Variants in TENM1 observed in about 807,000 individuals in gnomAD.
TENM1 encodes the protein teneurin transmembrane protein 1.
TENM1 carries 35 observed loss-of-function variants against 174.8 expected under a neutral mutation model. The ratio of observed to expected loss-of-function variants is 0.20; its 90% CI spans 0.15 to 0.27. The LOEUF is 0.27. Ranked by LOEUF, TENM1 falls within the 10% of genes least tolerant of loss-of-function variation. The pLI, the probability that TENM1 is intolerant of heterozygous loss-of-function variation, is 1.00. For synonymous variants in TENM1, 781 were observed against 798.7 expected (o/e 0.98, Z 0.37); for missense variants, 1,633 against 2,130.1 (o/e 0.77, Z 4.59).
At chrX:125,051,705 A>G in the TENM1 span, among the ~76,000 whole-genome samples, 1 of 103,280 alleles carries the variant, frequency 9.7e-6, no homozygotes, top group Non-Finnish European at 2.0e-5. Flanking sequence ...AAGATGGATT[A>G]AAGACTTAAA....
At chrX:124,826,073 T>G (rs1231764556) in intron 3 of TENM1, among the ~76,000 whole-genome samples, 7 of 111,474 alleles carry the variant, frequency 6.3e-5, no homozygotes, top group African/African-American at 2.3e-4. Flanking sequence ...GCTGAAATAA[T>G]TTGAAATGTA....
intron 23 of TENM1, among the ~76,000 whole-genome samples, chrX:124,441,100 C>A (rs2060898572): frequency 8.9e-6 from 1 of 112,138 alleles, no homozygotes. Context: ...GGAGACATTA[C>A]ATGTTTTTAT....
the TENM1 span, among the ~76,000 whole-genome samples, chrX:125,101,724 G>A: frequency 3.6e-5 from 4 of 111,994 alleles, no homozygotes; most frequent in South Asian, 1.1e-3. Flanking sequence ...TCAAATCTTC[G>A]GGAGAGTAAA....
At chrX:124,938,965 G>GA (rs1569484934) in intron 1 of TENM1, among the ~76,000 whole-genome samples, 1 of 111,384 alleles carries the variant, frequency 9.0e-6, no homozygotes, top group African/African-American at 3.3e-5. Context: ...CCATCCCTGG[G>GA]AAAAAAGCCA....
At chrX:124,966,519 G>A (rs919909519), upstream of TENM1, among the ~76,000 whole-genome samples, 4 of 108,683 alleles carry the variant, frequency 3.7e-5, no homozygotes, top group Admixed American at 1.9e-4. Flanking sequence ...AAAATTAGCC[G>A]GGCGTGGTAG....
chrX:124,538,601 C>T (rs2048254073), intron 15 of TENM1, among the ~76,000 whole-genome samples: 1 of 111,335 alleles, frequency 9.0e-6, no homozygotes, highest in Admixed American at 9.5e-5. Flanking sequence ...TTTTCATGTT[C>T]CTAGATTAAA....
intron 4 of TENM1, among the ~76,000 whole-genome samples, chrX:124,718,331 G>A (rs1414697551): frequency 1.8e-5 from 2 of 112,175 alleles, no homozygotes; most frequent in East Asian, 2.8e-4. Flanking sequence ...TGCTTCAGGG[G>A]TCACTCTGGT....
chrX:125,015,106 C>T, the TENM1 span, among the ~76,000 whole-genome samples: 1 of 111,245 alleles, frequency 9.0e-6, no homozygotes, highest in Admixed American at 9.6e-5. Flanking sequence ...GTGAGCAAAG[C>T]AATCACAACT....
the TENM1 span, among the ~76,000 whole-genome samples, chrX:125,147,682 C>T: frequency 5.4e-4 from 60 of 111,184 alleles, no homozygotes; most frequent in African/African-American, 1.8e-3. Flanking sequence ...CAGGTCCCTA[C>T]GCGGCTTACC....
At chrX:124,408,462 C>A (rs1050107217) in intron 25 of TENM1, among the ~76,000 whole-genome samples, 2 of 111,306 alleles carry the variant, frequency 1.8e-5, no homozygotes, top group East Asian at 5.7e-4. Context: ...AGCCATTATT[C>A]TCCCAAGGTA....
intron 3 of TENM1, among the ~76,000 whole-genome samples, chrX:124,809,583 T>A (rs1000542365): frequency 3.6e-5 from 4 of 111,268 alleles, no homozygotes; most frequent in Non-Finnish European, 7.6e-5. Flanking sequence ...CAAAAACATA[T>A]GATAATTTCA....
rs936677053 is a variant in TENM1 at position 124,796,521 on chromosome X, C to A, written c.536-59324G>T. On this transcript the variant is annotated intron_variant, in intron 3 of 31. Transcript: ENST00000422452. ...TCCAAGTCAATTTATAAAATCGGGA[C>A]TTCTCGACTTAAAAACACAGGAAAA... is the stretch of plus-strand genomic sequence containing the variant. Among the ~76,000 whole-genome samples, 3 of 111,570 alleles carry A rather than the reference C, an allele frequency of 2.7e-5. No individual in the cohort carries two copies. In the East Asian group the frequency reaches 8.4e-4, roughly 31 times the overall value.
the TENM1 span, among the ~76,000 whole-genome samples, chrX:125,016,677 TA>T: frequency 9.0e-6 from 1 of 111,729 alleles, no homozygotes; most frequent in African/African-American, 3.3e-5. Context: ...CCCATCAAGC[TA>T]CCACTGATTT....
intron 4 of TENM1, among the ~76,000 whole-genome samples, chrX:124,729,796 G>A (rs974327933): frequency 3.8e-4 from 43 of 112,171 alleles, no homozygotes; most frequent in African/African-American, 1.2e-3. Flanking sequence ...GGTATGTATC[G>A]TCAAAATGTG....
the TENM1 span, among the ~76,000 whole-genome samples, chrX:125,060,198 CA>C: frequency 9.2e-6 from 1 of 109,098 alleles, no homozygotes; most frequent in Admixed American, 9.9e-5. Flanking sequence ...CACACACACA[CA>C]CACACACACA....
chrX:124,406,551 A>G, intron 25 of TENM1, 62 bp from the exon 29 acceptor site: 2 of 789,110 alleles, frequency 2.5e-6, no homozygotes, highest in Non-Finnish European at 1.8e-6. Context: ...GACTTTGCAA[A>G]ATAAAAATCA....
intron 20 of TENM1, among the ~76,000 whole-genome samples, chrX:124,489,765 T>A (rs1355743038): frequency 8.9e-6 from 1 of 111,903 alleles, no homozygotes; most frequent in Non-Finnish European, 1.9e-5. Flanking sequence ...TGCACTGTGG[T>A]GGCTGCAGCC....
the TENM1 span, among the ~76,000 whole-genome samples, chrX:125,196,009 G>GGAAT: frequency 3.1e-5 from 3 of 96,151 alleles, no homozygotes; most frequent in African/African-American, 8.0e-5. Flanking sequence ...AAGAAAAGAA[G>GGAAT]GAACGAAGGA....
At chrX:124,948,785 C>T (rs1166685377) in intron 1 of TENM1, among the ~76,000 whole-genome samples, 1 of 112,135 alleles carries the variant, frequency 8.9e-6, no homozygotes, top group Non-Finnish European at 1.9e-5. Flanking sequence ...AACTCCTGAC[C>T]TCAGGTGATC....
Sources: allele counts gnomAD v4.1 joint callset (sites outside exome capture counted in the v4.1 genomes callset), GRCh38; gene constraint gnomAD v4.1.1; transcripts MANE v1.5; gene names NCBI Gene and HGNC (gene_info 2026-07-23, HGNC 2026-07-21).